The following GABRB3 variants were observed in gnomAD, a reference collection of about 807,000 sequenced individuals.
GABRB3 encodes the protein gamma-aminobutyric acid receptor subunit beta-3.
GABRB3 carries 14 observed loss-of-function variants against 52.1 expected under a neutral mutation model. The observed-to-expected ratio is 0.27, with a 90% CI of 0.18 to 0.42. The LOEUF (loss-of-function observed/expected upper bound fraction) is 0.42. Ranked by LOEUF, GABRB3 falls within the 10% of genes least tolerant of loss-of-function variation. The probability of loss-of-function intolerance (pLI) is 1.00; values close to 1 mark genes in which losing one functional copy is unlikely to be tolerated. For missense variants in GABRB3, 307 were observed against 609.1 expected, an observed-to-expected ratio of 0.50 and a Z score of 5.22; for synonymous variants, 260 against 232.3, an observed-to-expected ratio of 1.12 and a Z score of -1.08.
intron 3 of GABRB3, among the ~76,000 whole-genome samples, chr15:26,761,874 G>A (rs1176665306): frequency 5.3e-5 from 8 of 151,994 alleles, no homozygotes; most frequent in Admixed American, 4.6e-4. Flanking sequence ...TCTCTCTGTC[G>A]CCCAGGCTGG....
At chr15:26,596,971 T>C (rs1374379720) in intron 4 of GABRB3, among the ~76,000 whole-genome samples, 1 of 152,196 alleles carries the variant, frequency 6.6e-6, no homozygotes, top group African/African-American at 2.4e-5. Flanking sequence ...TAGTGTATAA[T>C]ACAGCAAGGG....
chr15:26,649,613 G>A (rs544142634), intron 3 of GABRB3, among the ~76,000 whole-genome samples: 2 of 150,154 alleles, frequency 1.3e-5, no homozygotes, highest in African/African-American at 4.9e-5. Context: ...TGAGGAGAAA[G>A]GAAAATGTGC....
intron 3 of GABRB3, among the ~76,000 whole-genome samples, chr15:26,701,074 A>C (rs1029058625): frequency 6.6e-6 from 1 of 152,086 alleles, no homozygotes; most frequent in Admixed American, 6.5e-5. Context: ...ACAACAAAAA[A>C]ACTCTGCAAA....
At chr15:26,664,928 G>A (rs777954930) in intron 3 of GABRB3, among the ~76,000 whole-genome samples, 4 of 151,844 alleles carry the variant, frequency 2.6e-5, no homozygotes, top group African/African-American at 7.3e-5. Flanking sequence ...TCAAACTCCC[G>A]ACCTCAGGTG....
intron 5 of GABRB3, chr15:26,580,703 C>G: frequency 1.8e-6 from 1 of 565,836 alleles, no homozygotes. Context: ...GTGCTCTGAC[C>G]AGAGTTCTAT....
At chr15:26,768,885 G>A (rs1595361163) in intron 3 of GABRB3, among the ~76,000 whole-genome samples, 1 of 152,162 alleles carries the variant, frequency 6.6e-6, no homozygotes, top group East Asian at 1.9e-4. Flanking sequence ...TATCCATGAA[G>A]CAAGCTATGG....
chr15:26,731,245 A>T (rs976879884), intron 3 of GABRB3, among the ~76,000 whole-genome samples: 1 of 152,226 alleles, frequency 6.6e-6, no homozygotes, highest in African/African-American at 2.4e-5. Flanking sequence ...TATAACAAAA[A>T]TAAACATCAT....
intron 3 of GABRB3, among the ~76,000 whole-genome samples, chr15:26,683,497 A>C (rs1888303798): frequency 6.6e-6 from 1 of 152,182 alleles, no homozygotes; most frequent in South Asian, 2.1e-4. Flanking sequence ...ATGCTTTAAA[A>C]GGTTGGTGAA....
chr15:26,574,620 C>A (rs1890525536), intron 6 of GABRB3, among the ~76,000 whole-genome samples: 1 of 152,018 alleles, frequency 6.6e-6, no homozygotes, highest in African/African-American at 2.4e-5. Context: ...CCTTGAAAAC[C>A]ATGCAAGTGA....
At chr15:26,548,210 G>A in intron 8 of GABRB3, 76 bp from the exon 9 acceptor site, 3 of 1,118,098 alleles carry the variant, frequency 2.7e-6, no homozygotes, top group African/African-American at 1.5e-5. Context: ...ACAGAATGAT[G>A]TCATGCCATC....
intron 3 of GABRB3, among the ~76,000 whole-genome samples, chr15:26,673,775 G>T (rs1482336232): frequency 1.3e-5 from 2 of 152,306 alleles, no homozygotes; most frequent in South Asian, 2.1e-4. Context: ...AAATGCACCA[G>T]AGTGTTAAAA....
chr15:26,615,144 T>C (rs1241751654), intron 4 of GABRB3: 1 of 302,798 alleles, frequency 3.3e-6, no homozygotes, highest in Non-Finnish European at 4.9e-6. Flanking sequence ...GGAAAAGGGA[T>C]GATAACTCTG....
chr15:26,759,756 A>T (rs1472749740), intron 3 of GABRB3, among the ~76,000 whole-genome samples: 2 of 152,222 alleles, frequency 1.3e-5, no homozygotes, highest in East Asian at 3.8e-4. Flanking sequence ...ACAAAAGATT[A>T]AAAAATGGTG....
At chr15:26,696,385 T>A (rs1400432350) in intron 3 of GABRB3, among the ~76,000 whole-genome samples, 1 of 114,088 alleles carries the variant, frequency 8.8e-6, no homozygotes, top group African/African-American at 2.9e-5. Flanking sequence ...TAATTACTGT[T>A]ATTATTATTA....
chr15:26,726,111 C>G (rs1889764181), intron 3 of GABRB3, among the ~76,000 whole-genome samples: 1 of 114,000 alleles, frequency 8.8e-6, no homozygotes, highest in Non-Finnish European at 1.8e-5. Context: ...CTGGGAGGGT[C>G]GTTTTTTCCC....
chr15:26,597,475 T>C (rs920283530), intron 4 of GABRB3, among the ~76,000 whole-genome samples: 2 of 152,154 alleles, frequency 1.3e-5, no homozygotes, highest in African/African-American at 2.4e-5. Flanking sequence ...GGAGACTGAA[T>C]AGGAATTGGC....
chr15:26,772,801 CG>C, intron 1 of GABRB3, 29 bp from the exon 2 acceptor site: 1 of 1,395,448 alleles, frequency 7.2e-7, no homozygotes, highest in Non-Finnish European at 9.5e-7. Context: ...GCACAAAGAG[CG>C]GGGTCAGGGG....
At chr15:26,580,212 C>T in intron 6 of GABRB3, 107 bp downstream of exon 6, 1 of 1,337,850 alleles carries the variant, frequency 7.5e-7, no homozygotes, top group Non-Finnish European at 1.1e-6. Flanking sequence ...AACAGCACTC[C>T]TTCCGATGAT....
chr15:26,583,969 G>T (rs1002782899), intron 4 of GABRB3, among the ~76,000 whole-genome samples: 24 of 152,020 alleles, frequency 1.6e-4, no homozygotes, highest in Admixed American at 8.5e-4. Context: ...GTACAGACGG[G>T]GTTTCACCAT....
Sources: allele counts gnomAD v4.1 joint callset (sites outside exome capture counted in the v4.1 genomes callset), GRCh38; gene constraint gnomAD v4.1.1; transcripts MANE v1.5; gene names NCBI Gene and HGNC (gene_info 2026-07-23, HGNC 2026-07-21).